The following NPHP1 variants were observed in gnomAD, a reference collection of about 807,000 sequenced individuals.
The protein encoded by NPHP1 is nephrocystin 1, also known as nephrocystin-1.
A neutral mutation model predicts 90.4 loss-of-function variants in NPHP1; 70 were observed. The observed-to-expected ratio is 0.77, with a 90% CI of 0.64 to 0.95. The LOEUF (loss-of-function observed/expected upper bound fraction) is 0.95, where lower values mean the gene tolerates loss of function less well. NPHP1 is among the 40% of genes least tolerant of loss of function. NPHP1 has a pLI of 0.00. For missense variants in NPHP1, 764 were observed against 795.9 expected (o/e 0.96, Z 0.48); for synonymous variants, 256 against 271.7 (o/e 0.94, Z 0.57).
intron 2 of NPHP1, among the ~76,000 whole-genome samples, chr2:110,198,019 C>A: frequency 6.6e-6 from 1 of 152,006 alleles, no homozygotes; most frequent in Non-Finnish European, 1.5e-5. Context: ...TTCACTGGCT[C>A]CTGAAACCCC....
chr2:110,177,444 T>C (rs1035177883), intron 4 of NPHP1, among the ~76,000 whole-genome samples: 4 of 152,262 alleles, frequency 2.6e-5, no homozygotes, highest in African/African-American at 7.2e-5. Flanking sequence ...GTATCCCTAA[T>C]CAGAAAATCC....
At chr2:110,174,424 C>G (rs1273606332) in intron 4 of NPHP1, among the ~76,000 whole-genome samples, 1 of 152,120 alleles carries the variant, frequency 6.6e-6, no homozygotes, top group Non-Finnish European at 1.5e-5. Context: ...ATATGCATCC[C>G]TAACTTATCA....
intron 11 of NPHP1, among the ~76,000 whole-genome samples, chr2:110,157,055 G>A (rs886279821): frequency 3.3e-5 from 5 of 152,144 alleles, no homozygotes; most frequent in Admixed American, 6.5e-5. Flanking sequence ...GATTACAGGC[G>A]TGAGCCACTG....
At chr2:110,133,956 T>C (rs746627425) in intron 16 of NPHP1, among the ~76,000 whole-genome samples, 15 of 151,986 alleles carry the variant, frequency 9.9e-5, no homozygotes, top group Non-Finnish European at 2.1e-4. Context: ...AACCTAACTT[T>C]ATGCCCTAAG....
chr2:110,195,249 C>T (rs1685070322), intron 2 of NPHP1, among the ~76,000 whole-genome samples: 1 of 152,108 alleles, frequency 6.6e-6, no homozygotes, highest in African/African-American at 2.4e-5. Flanking sequence ...GATTGTATAT[C>T]TAGAAAACCC....
chr2:110,185,666 G>C (rs1431245405), intron 2 of NPHP1, among the ~76,000 whole-genome samples: 1 of 152,132 alleles, frequency 6.6e-6, no homozygotes, highest in African/African-American at 2.4e-5. Flanking sequence ...TGGGCACTGA[G>C]GACTGGGGCT....
At chr2:110,133,292 C>T (rs1345584828) in intron 16 of NPHP1, among the ~76,000 whole-genome samples, 1 of 151,960 alleles carries the variant, frequency 6.6e-6, no homozygotes, top group Non-Finnish European at 1.5e-5. Context: ...TTCAAGCCCC[C>T]CAAAAGTTAC....
rs566866150 is a variant in NPHP1 at position 110,123,987 on chromosome 2, C to T, written c.1838G>A (p.Arg613His). The T allele has an allele frequency of 4.3e-6, 7 of 1,613,970 alleles. No individual in the cohort carries two copies. Among genetic ancestry groups the T allele is most frequent in the Admixed American group, 1.7e-5 (1 of 60,004 alleles). The change falls in exon 20 of 20, where the codon CGC becomes CAC. Residue 613 changes from arginine to histidine, a missense_variant. Arg to His is a conservative substitution (Grantham distance 29). Coordinates refer to ENST00000445609, the MANE Select transcript of NPHP1 (RefSeq NM_001128178.3). ...TTCTGCCCACCTGAATGGGGGTAGG[C>T]GTGTGGAGTGGAGAAGTGGGAGCAC... ...DCVLPLLHSTRLPPFRWAEEE... is the reference protein window; with the variant it reads ...DCVLPLLHSTHLPPFRWAEEE...
intron 9 of NPHP1, among the ~76,000 whole-genome samples, chr2:110,162,414 G>A (rs981841945): frequency 6.6e-6 from 1 of 152,012 alleles, no homozygotes; most frequent in African/African-American, 2.4e-5. Flanking sequence ...GAAAAGATGG[G>A]AATTTAGGGA....
At chr2:110,173,815 A>G (rs1683330162) in intron 4 of NPHP1, among the ~76,000 whole-genome samples, 1 of 152,152 alleles carries the variant, frequency 6.6e-6, no homozygotes, top group Admixed American at 6.5e-5. Context: ...TATACATGTA[A>G]TTAGATCACG....
At chr2:110,137,721 T>C (rs1465654238) in intron 16 of NPHP1, among the ~76,000 whole-genome samples, 2 of 151,676 alleles carry the variant, frequency 1.3e-5, no homozygotes, top group African/African-American at 2.4e-5. Context: ...TTTTACACTG[T>C]TGGTGGGACT....
intron 1 of NPHP1, among the ~76,000 whole-genome samples, chr2:110,204,014 A>G (rs1175790295): frequency 6.6e-6 from 1 of 152,172 alleles, no homozygotes; most frequent in Non-Finnish European, 1.5e-5. Context: ...ATACCATATT[A>G]GCCTGTTCCC....
chr2:110,172,222 T>C (rs1008210185), intron 4 of NPHP1, among the ~76,000 whole-genome samples: 19 of 152,136 alleles, frequency 1.2e-4, no homozygotes, highest in Admixed American at 3.9e-4. Context: ...TTTTAATGCT[T>C]GTGGAATCTG....
At chr2:110,137,477 A>G (rs1359373780) in intron 16 of NPHP1, among the ~76,000 whole-genome samples, 1 of 152,188 alleles carries the variant, frequency 6.6e-6, no homozygotes, top group Admixed American at 6.5e-5. Context: ...CAAATTTACA[A>G]GAAAAAAACA....
At chr2:110,145,163 T>C (rs2104486163) in intron 14 of NPHP1, among the ~76,000 whole-genome samples, 1 of 152,282 alleles carries the variant, frequency 6.6e-6, no homozygotes, top group South Asian at 2.1e-4. Context: ...ACTAACACTC[T>C]ACATGCTTTT....
intron 1 of NPHP1, among the ~76,000 whole-genome samples, chr2:110,203,693 A>C (rs1247765601): frequency 6.6e-6 from 1 of 152,194 alleles, no homozygotes; most frequent in Non-Finnish European, 1.5e-5. Context: ...ATACTTGGTA[A>C]TAGATCACAT....
In NPHP1 at chr2:110,147,906, A is replaced by G; in HGVS notation, c.1269+10T>C. On this transcript the variant is annotated intron_variant, in intron 13 of 19. Transcript: ENST00000445609. ...ATACATTAGAAAGCCTTATCTTTCA[A>G]CGGACATACATTGCGAATATAAGAA... is the stretch of plus-strand genomic sequence containing the variant. 1 of 1,436,264 alleles carries G rather than the reference A, an allele frequency of 7.0e-7. No individual in the cohort carries two copies. The highest frequency in any genetic ancestry group is 9.8e-7 in the Non-Finnish European group (1 of 1,017,606). 89.0% of individuals were successfully genotyped at this position (1,436,264 alleles called of 1,614,324 possible).
At chr2:110,143,009 T>C (rs1559055957) in intron 16 of NPHP1, among the ~76,000 whole-genome samples, 1 of 152,160 alleles carries the variant, frequency 6.6e-6, no homozygotes, top group Non-Finnish European at 1.5e-5. Flanking sequence ...TCCATTTGTA[T>C]GACATTTTGG....
rs546602639 is a variant in NPHP1, at chr2:110,160,350, T to G, written c.955-95A>C. The stretch of plus-strand genomic sequence containing the variant: ...TCGGCTTATGAAAATGTATACAGAA[T>G]TTTTAAAAAAGAAAAAATTTACACA... On this transcript the variant is annotated intron_variant, in intron 10 of 19. Coordinates refer to ENST00000445609, the MANE Select transcript of NPHP1 (RefSeq NM_001128178.3). 3.6e-5 allele frequency: 37 copies of G among 1,027,434 alleles called. No individual in the cohort carries two copies. The African/African-American group carries it at 5.6e-4, about 15-fold the overall frequency. The allele number at this position is 1,027,434 out of a possible 1,614,324, so 63.6% of individuals were successfully genotyped here.
Sources: gnomAD v4.1 joint callset for allele counts (sites outside exome capture counted in the v4.1 genomes callset) on GRCh38, gnomAD v4.1.1 for gene constraint, MANE v1.5 for transcripts, NCBI Gene and HGNC (gene_info 2026-07-23, HGNC 2026-07-21) for gene names.